The following CNTN3 variants were observed in gnomAD, a reference collection of about 807,000 sequenced individuals.
CNTN3 encodes contactin 3.
CNTN3 carries 60 observed loss-of-function variants against 119.1 expected under a neutral mutation model. That is an observed-to-expected ratio of 0.50 (90% CI 0.41 to 0.62). CNTN3 has a LOEUF of 0.62. Ranked by LOEUF, CNTN3 falls within the 20% of genes least tolerant of loss-of-function variation. The pLI is 0.00. For synonymous variants in CNTN3, 450 were observed against 438.7 expected, an observed-to-expected ratio of 1.03 and a Z score of -0.32; for missense variants, 1,101 against 1,242.4, an observed-to-expected ratio of 0.89 and a Z score of 1.71.
At chr3:74,371,589 T>C (rs1704340324) in intron 5 of CNTN3, among the ~76,000 whole-genome samples, 190 bp from the exon 6 acceptor site, 1 of 152,270 alleles carries the variant, frequency 6.6e-6, no homozygotes, top group Non-Finnish European at 1.5e-5. Context: ...GAGGACACCG[T>C]TGATTAGCAT....
chr3:74,460,937 C>T (rs1424207927), intron 4 of CNTN3, among the ~76,000 whole-genome samples: 1 of 150,400 alleles, frequency 6.6e-6, no homozygotes, highest in Non-Finnish European at 1.5e-5. Context: ...TATTAGGAAA[C>T]CATTCAGTTT....
chr3:74,368,070 A>C (rs796910991), intron 8 of CNTN3, among the ~76,000 whole-genome samples: 1 of 152,060 alleles, frequency 6.6e-6, no homozygotes, highest in African/African-American at 2.4e-5. Flanking sequence ...ATACATTCTA[A>C]ACTAATCAAG....
chr3:74,323,642 C>T (rs1703051656), intron 13 of CNTN3, among the ~76,000 whole-genome samples: 1 of 152,144 alleles, frequency 6.6e-6, no homozygotes, highest in African/African-American at 2.4e-5. Flanking sequence ...CTACCTAAGC[C>T]AGCATGAGTA....
chr3:74,464,864 A>G (rs1041595890), intron 4 of CNTN3, among the ~76,000 whole-genome samples: 1 of 152,168 alleles, frequency 6.6e-6, no homozygotes, highest in African/African-American at 2.4e-5. Context: ...AGTTAGACCT[A>G]GAGGTTTAAT....
intron 11 of CNTN3, among the ~76,000 whole-genome samples, chr3:74,338,222 T>C (rs1703441692): frequency 6.6e-6 from 1 of 151,972 alleles, no homozygotes; most frequent in African/African-American, 2.4e-5. Flanking sequence ...GGCCATTCAG[T>C]AGAATAAATA....
intron 4 of CNTN3, among the ~76,000 whole-genome samples, chr3:74,434,704 T>G (rs139545096): frequency 1.2e-3 from 190 of 152,320 alleles, no homozygotes; most frequent in African/African-American, 4.3e-3. Context: ...CCTCTGCTAT[T>G]GTTGCAAGGA....
chr3:74,547,772 T>G (rs1259543166), intron 1 of CNTN3, among the ~76,000 whole-genome samples: 1 of 152,152 alleles, frequency 6.6e-6, no homozygotes, highest in Non-Finnish European at 1.5e-5. Context: ...TTCCACTGAT[T>G]CTCTTTATGC....
At chr3:74,434,146 A>G (rs1701829525) in intron 4 of CNTN3, among the ~76,000 whole-genome samples, 1 of 152,182 alleles carries the variant, frequency 6.6e-6, no homozygotes, top group African/African-American at 2.4e-5. Context: ...GGATATTCTG[A>G]CCATAATCCA....
rs1309630167 is a variant in CNTN3, at chr3:74,521,132, G to A, written c.-20C>T. The A allele has an allele frequency of 3.9e-6, 6 of 1,557,532 alleles. No individual in the cohort carries two copies. The highest frequency in any genetic ancestry group is 4.4e-6 in the Non-Finnish European group (5 of 1,137,892). ...CATCATCTTTAATTGCCAAATGCAA[G>A]AGTAACTCTTGTCCAGTCTCTGATG... On this transcript the variant is annotated 5_prime_UTR_variant, in exon 2 of 23. Coordinates refer to ENST00000263665, the MANE Select transcript of CNTN3 (RefSeq NM_020872.3).
chr3:74,602,815 A>G (rs1460500236), intron 1 of CNTN3, among the ~76,000 whole-genome samples: 4 of 152,144 alleles, frequency 2.6e-5, no homozygotes, highest in Non-Finnish European at 5.9e-5. Context: ...TTGACATATG[A>G]CCAGTCGTAC....
intron 4 of CNTN3, among the ~76,000 whole-genome samples, chr3:74,455,007 G>A (rs1478700192): frequency 6.6e-6 from 1 of 152,084 alleles, no homozygotes; most frequent in African/African-American, 2.4e-5. Context: ...TTCTCAAAGA[G>A]TATCTTTGTC....
chr3:74,568,135 C>T (rs1023016739), intron 1 of CNTN3, among the ~76,000 whole-genome samples: 6 of 149,842 alleles, frequency 4.0e-5, no homozygotes, highest in African/African-American at 1.5e-4. Context: ...ATTCTCACGC[C>T]TATGATAACT....
chr3:74,566,337 G>C (rs1704225735), intron 1 of CNTN3, among the ~76,000 whole-genome samples: 1 of 151,884 alleles, frequency 6.6e-6, no homozygotes, highest in Admixed American at 6.6e-5. Flanking sequence ...AAGGGAAGGT[G>C]TATTCAGTTC....
rs1487762646 is a variant in CNTN3 at position 74,262,674 on chromosome 3, A to AAAGTG, written c.*1722_*1726dup. 1.3e-5 allele frequency: 2 copies of AAAGTG among 152,628 alleles called. No homozygotes were observed. The highest frequency in any genetic ancestry group is 1.5e-5 in the Non-Finnish European group (1 of 68,022). 9.5% of individuals were successfully genotyped at this position (152,628 alleles called of 1,614,324 possible). ...AATTTTATACTTTTCAATATGAAACAAAGTGCATATCTCATGGAGATATAT... is the reference window on the plus strand; with the variant it reads ...AATTTTATACTTTTCAATATGAAACAAAGTGAAGTGCATATCTCATGGAGATATAT... On this transcript the variant is annotated 3_prime_UTR_variant, in exon 23 of 23. Transcript: ENST00000263665.
At chr3:74,324,368 C>T (rs1703079880) in intron 13 of CNTN3, among the ~76,000 whole-genome samples, 2 of 152,114 alleles carry the variant, frequency 1.3e-5, no homozygotes, top group South Asian at 4.2e-4. Context: ...TGTGCCACCT[C>T]GCCCAGGTAA....
At chr3:74,404,892 T>C (rs539107152) in intron 5 of CNTN3, among the ~76,000 whole-genome samples, 1 of 152,092 alleles carries the variant, frequency 6.6e-6, no homozygotes, top group African/African-American at 2.4e-5. Context: ...GGACAGGTAA[T>C]CCAATTTCCA....
chr3:74,599,518 G>A (rs909005574), intron 1 of CNTN3, among the ~76,000 whole-genome samples: 1 of 152,032 alleles, frequency 6.6e-6, no homozygotes, highest in African/African-American at 2.4e-5. Context: ...AGATCATCAG[G>A]CATTAGATTC....
intron 2 of CNTN3, among the ~76,000 whole-genome samples, chr3:74,518,504 T>C (rs1171440091): frequency 1.3e-5 from 2 of 151,816 alleles, no homozygotes; most frequent in Non-Finnish European, 2.9e-5. Flanking sequence ...GCCACTTGAG[T>C]TTATGGCAAT....
At chr3:74,311,484 T>C (rs1194433468) in intron 13 of CNTN3, among the ~76,000 whole-genome samples, 4 of 152,228 alleles carry the variant, frequency 2.6e-5, no homozygotes, top group African/African-American at 7.2e-5. Context: ...TTCCTGAGTC[T>C]CTGAGTCTAA....
Sources: allele counts gnomAD v4.1 joint callset (sites outside exome capture counted in the v4.1 genomes callset), GRCh38; gene constraint gnomAD v4.1.1; transcripts MANE v1.5; gene names NCBI Gene and HGNC (gene_info 2026-07-23, HGNC 2026-07-21).